The following MCTP2 variants were observed in gnomAD, a reference collection of about 807,000 sequenced individuals.
MCTP2 encodes the protein multiple C2 and transmembrane domain-containing protein 2.
Under a neutral mutation model 111.6 loss-of-function variants are expected in MCTP2, and 132 were observed. The observed-to-expected ratio is 1.18, with a 90% CI of 1.03 to 1.37. MCTP2 has a LOEUF of 1.37. Ranked by LOEUF, MCTP2 falls within the 40% of genes most tolerant of loss-of-function variation. The pLI is 0.00. For missense variants in MCTP2, 1,183 were observed against 1,067.9 expected (o/e 1.11, Z -1.50); for synonymous variants, 395 against 387.7 (o/e 1.02, Z -0.22).
Position 94,291,916 on chromosome 15 carries a change from C to T in MCTP2, c.-65-6285C>T, listed in dbSNP as rs147634217. 6.6e-5 allele frequency among the ~76,000 whole-genome samples: 10 copies of T among 152,252 alleles called. No individual in the cohort carries two copies. The East Asian group carries it at 9.7e-4, about 15-fold the overall frequency. Reference sequence around the variant, plus strand: ...TCTACCATTGGGCAAAAGCAGTCATCGCCAATATGTAAACACATTAGTGTG... The same window carrying T: ...TCTACCATTGGGCAAAAGCAGTCATTGCCAATATGTAAACACATTAGTGTG... On this transcript the variant is annotated intron_variant, in intron 1 of 22. Coordinates refer to ENST00000357742, the MANE Select transcript of MCTP2 (RefSeq NM_001385001.1).
intron 17 of MCTP2, among the ~76,000 whole-genome samples, chr15:94,417,922 T>A (rs147064262): frequency 6.6e-6 from 1 of 152,250 alleles, no homozygotes; most frequent in Non-Finnish European, 1.5e-5. Context: ...GCAGGCTTAA[T>A]GTGAACTTAC....
chr15:94,281,010 A>G (rs1222271368), intron 1 of MCTP2, among the ~76,000 whole-genome samples: 3 of 152,148 alleles, frequency 2.0e-5, no homozygotes, highest in Non-Finnish European at 4.4e-5. Context: ...ATCTTAGGGT[A>G]TGTGCCACAT....
rs1339796247 is a variant in MCTP2, at chr15:94,356,145, G to C, written c.1014G>C (p.Leu338Phe). The C allele has an allele frequency of 6.3e-6, 10 of 1,592,994 alleles. No homozygotes were observed. The highest frequency in any genetic ancestry group is 1.4e-5 in the African/African-American group (1 of 73,784). ...RKRLSASKSS[L>F]IRNLRLSESL... is the part of the protein sequence containing the mutation. ...TTTATTTTTTGCTTTAGTCCTCTTT[G>C]ATACGCAACCTACGGCTCTCTGAGT... The change falls in exon 9 of 23, where the codon TTG becomes TTC. Residue 338 changes from leucine to phenylalanine, a missense_variant. Leu to Phe is a conservative substitution (Grantham distance 22, BLOSUM62 0). Transcript: ENST00000357742.
intron 1 of MCTP2, among the ~76,000 whole-genome samples, chr15:94,259,399 A>G (rs2073045606): frequency 1.3e-5 from 2 of 152,204 alleles, no homozygotes; most frequent in African/African-American, 4.8e-5. Flanking sequence ...GCAGCTGTTA[A>G]CTGCTAGTTC....
intron 14 of MCTP2, among the ~76,000 whole-genome samples, chr15:94,394,222 A>G (rs910092745): frequency 7.2e-6 from 1 of 139,604 alleles, no homozygotes; most frequent in African/African-American, 2.5e-5. Context: ...TTTTAACATT[A>G]CTTAACTTAT....
At chr15:94,450,352 G>T (rs897945788) in intron 19 of MCTP2, among the ~76,000 whole-genome samples, 7 of 152,210 alleles carry the variant, frequency 4.6e-5, no homozygotes, top group African/African-American at 1.7e-4. Flanking sequence ...GTGCGTGTGT[G>T]TGTGCACGCG....
At chr15:94,379,842 A>G (rs1404212457) in intron 12 of MCTP2, among the ~76,000 whole-genome samples, 1 of 141,010 alleles carries the variant, frequency 7.1e-6, no homozygotes, top group Non-Finnish European at 1.5e-5. Flanking sequence ...ATATAATTAT[A>G]TATGATATAT....
chr15:94,287,487 A>G (rs1275075757), intron 1 of MCTP2, among the ~76,000 whole-genome samples: 1 of 152,102 alleles, frequency 6.6e-6, no homozygotes, highest in African/African-American at 2.4e-5. Context: ...TTGTGTTTAT[A>G]TGTTTATAAT....
intron 10 of MCTP2, among the ~76,000 whole-genome samples, chr15:94,361,637 G>T (rs1283410652): frequency 6.6e-6 from 1 of 152,094 alleles, no homozygotes; most frequent in Non-Finnish European, 1.5e-5. Context: ...TCACAACTTG[G>T]CAACTCAAAT....
chr15:94,433,148 TG>T (rs2083282807), intron 17 of MCTP2, among the ~76,000 whole-genome samples: 1 of 152,188 alleles, frequency 6.6e-6, no homozygotes, highest in Non-Finnish European at 1.5e-5. Flanking sequence ...ACAGCTAGCT[TG>T]GAACCATGGA....
At position 94,479,043 on chromosome 15, in the gene MCTP2, C is replaced by T; in HGVS notation, c.*9C>T. ...AGCGCAGCGCTCTCTAGGGCACACA[C>T]CGACTTTGGACAGCAGCACCCAATA... On this transcript the variant is annotated 3_prime_UTR_variant, in exon 23 of 23. Transcript: ENST00000357742. 1 of 1,613,832 alleles carries T rather than the reference C, an allele frequency of 6.2e-7. No homozygotes were observed. The highest frequency in any genetic ancestry group is 8.5e-7 in the Non-Finnish European group (1 of 1,179,822).
intron 1 of MCTP2, among the ~76,000 whole-genome samples, chr15:94,239,022 AAG>A (rs1160011267): frequency 1.6e-4 from 24 of 151,576 alleles, no homozygotes; most frequent in Non-Finnish European, 3.2e-4. Flanking sequence ...AAAAAAAAAA[AAG>A]AAAAGAAAAA....
At chr15:94,400,692 C>G (rs1302773505) in intron 16 of MCTP2, among the ~76,000 whole-genome samples, 2 of 151,224 alleles carry the variant, frequency 1.3e-5, no homozygotes, top group African/African-American at 4.9e-5. Context: ...TCACTTTGTA[C>G]CTATCGTCCC....
intron 21 of MCTP2, among the ~76,000 whole-genome samples, chr15:94,475,272 AG>A (rs1339344201): frequency 2.0e-5 from 3 of 152,152 alleles, no homozygotes; most frequent in African/African-American, 7.2e-5. Context: ...CTTTGACTTG[AG>A]GGAAAGGCGA....
At chr15:94,323,499 G>T (rs890689853) in intron 4 of MCTP2, among the ~76,000 whole-genome samples, 7 of 152,178 alleles carry the variant, frequency 4.6e-5, no homozygotes, top group African/African-American at 1.7e-4. Context: ...TTAGAAGATT[G>T]TTCCTTGCAG....
At chr15:94,232,804 T>C (rs1489699649) in intron 1 of MCTP2, among the ~76,000 whole-genome samples, 2 of 152,218 alleles carry the variant, frequency 1.3e-5, no homozygotes, top group Admixed American at 1.3e-4. Flanking sequence ...AGAGTCTCTG[T>C]CATTAGCCTG....
chr15:94,251,124 C>G (rs544567087), intron 1 of MCTP2, among the ~76,000 whole-genome samples: 1 of 152,122 alleles, frequency 6.6e-6, no homozygotes, highest in Non-Finnish European at 1.5e-5. Context: ...GAGTGTGAGG[C>G]GAGTCAGGCT....
chr15:94,278,284 T>C (rs2074313405), intron 1 of MCTP2: 1 of 152,100 alleles, frequency 6.6e-6, no homozygotes, highest in African/African-American at 2.4e-5. Flanking sequence ...AGCAATTAAT[T>C]ATTATACGGT....
intron 17 of MCTP2, chr15:94,402,906 T>TA: frequency 9.2e-7 from 1 of 1,089,492 alleles, no homozygotes. Flanking sequence ...TTCTGAATGT[T>TA]ATGTGGTTCT....
Sources: gnomAD v4.1 joint callset for allele counts (sites outside exome capture counted in the v4.1 genomes callset) on GRCh38, gnomAD v4.1.1 for gene constraint, MANE v1.5 for transcripts, NCBI Gene and HGNC (gene_info 2026-07-23, HGNC 2026-07-21) for gene names.